Variants in LSAMP observed in about 807,000 individuals in gnomAD.
LSAMP encodes the protein limbic system associated membrane protein.
LSAMP carries 7 observed loss-of-function variants against 38.6 expected under a neutral mutation model. The observed-to-expected ratio is 0.18, with a 90% CI of 0.10 to 0.34. The LOEUF (loss-of-function observed/expected upper bound fraction) is 0.34, where lower values mean the gene tolerates loss of function less well. Ranked by LOEUF, LSAMP falls within the 10% of genes least tolerant of loss-of-function variation. The probability of loss-of-function intolerance (pLI) is 1.00; values close to 1 mark genes in which losing one functional copy is unlikely to be tolerated. For synonymous variants in LSAMP, 154 were observed against 166.8 expected (o/e 0.92, Z 0.59); for missense variants, 313 against 420.0 (o/e 0.75, Z 2.23).
At chr3:116,216,172 T>C (rs2046216485) in intron 1 of LSAMP, among the ~76,000 whole-genome samples, 1 of 152,188 alleles carries the variant, frequency 6.6e-6, no homozygotes, top group African/African-American at 2.4e-5. Context: ...TTATGTGATA[T>C]CCCTTTAATT....
intron 1 of LSAMP, among the ~76,000 whole-genome samples, chr3:116,102,767 T>TTATCTATCTATCTATCTATCTATC (rs35080251): frequency 0.025 from 3,830 of 151,082 alleles, 153 homozygotes; most frequent in African/African-American, 0.086. Context: ...TTTTAAAATT[T>TTATCTATCTATCTATCTATCTATC]TATCTATCTA....
At chr3:116,027,520 G>T (rs961191363) in intron 2 of LSAMP, among the ~76,000 whole-genome samples, 1 of 152,098 alleles carries the variant, frequency 6.6e-6, no homozygotes, top group Non-Finnish European at 1.5e-5. Flanking sequence ...TTAAATCAAA[G>T]AATCCTAATT....
chr3:115,999,859 C>T (rs1227945162), intron 3 of LSAMP, among the ~76,000 whole-genome samples: 1 of 152,086 alleles, frequency 6.6e-6, no homozygotes, highest in Non-Finnish European at 1.5e-5. Flanking sequence ...GGAGACTGGC[C>T]CCTGCAAGCA....
intron 1 of LSAMP, among the ~76,000 whole-genome samples, chr3:116,311,856 C>T (rs1045736580): frequency 2.6e-5 from 4 of 152,106 alleles, no homozygotes; most frequent in African/African-American, 9.7e-5. Flanking sequence ...AGTACTTGCT[C>T]AATAAATACC....
At chr3:115,810,680 C>G (rs1241327688) in intron 6 of LSAMP, among the ~76,000 whole-genome samples, 1 of 152,206 alleles carries the variant, frequency 6.6e-6, no homozygotes, top group African/African-American at 2.4e-5. Context: ...AACTGGCTAT[C>G]ACTAATGTGT....
intron 3 of LSAMP, among the ~76,000 whole-genome samples, chr3:115,971,471 TAA>T (rs1005770986): frequency 2.6e-5 from 4 of 152,306 alleles, no homozygotes; most frequent in Admixed American, 1.3e-4. Flanking sequence ...TGATTTTATA[TAA>T]AAAGAGTCCT....
chr3:115,926,366 A>G (rs1470224564), intron 3 of LSAMP, among the ~76,000 whole-genome samples: 1 of 152,256 alleles, frequency 6.6e-6, no homozygotes, highest in Non-Finnish European at 1.5e-5. Context: ...CTTAGAGAAC[A>G]TAAGAACAGA....
At chr3:115,908,823 G>T (rs948779478) in intron 3 of LSAMP, among the ~76,000 whole-genome samples, 2 of 152,062 alleles carry the variant, frequency 1.3e-5, no homozygotes, top group Admixed American at 6.6e-5. Flanking sequence ...TCTCTTATTT[G>T]CAGCTTGCCT....
At chr3:116,033,609 A>T (rs556800185) in intron 2 of LSAMP, among the ~76,000 whole-genome samples, 97 of 152,282 alleles carry the variant, frequency 6.4e-4, no homozygotes, top group African/African-American at 2.1e-3. Context: ...TCTCCGTAAC[A>T]TGCTGCGGGG....
At chr3:116,064,845 G>T (rs548824850) in intron 2 of LSAMP, among the ~76,000 whole-genome samples, 1 of 152,290 alleles carries the variant, frequency 6.6e-6, no homozygotes, top group South Asian at 2.1e-4. Context: ...AAATGAGTCA[G>T]ACTGGAATGT....
Position 116,182,510 on chromosome 3 carries a change from A to G in LSAMP, c.156-95954T>C, listed in dbSNP as rs17643182. ...TTAGAGCATCATGAGTGCTATGACA[A>G]GATGCTATGGAGATGCCCAAAGATG... On this transcript the variant is annotated intron_variant, in intron 1 of 6. Transcript: ENST00000490035. Among the ~76,000 whole-genome samples, 1,339 of 151,898 alleles carry G rather than the reference A, an allele frequency of 8.8e-3. 24 individuals carry two copies. The highest frequency in any genetic ancestry group is 0.054 in the Middle Eastern group (16 of 294).
chr3:115,853,599 G>A (rs548738298), intron 3 of LSAMP, among the ~76,000 whole-genome samples: 1 of 152,170 alleles, frequency 6.6e-6, no homozygotes, highest in Non-Finnish European at 1.5e-5. Context: ...GAAGTAGAGA[G>A]GGAGAAAAAT....
Position 116,155,101 on chromosome 3 carries a change from C to A in LSAMP, c.156-68545G>T, listed in dbSNP as rs565018012. ...TCTCACCTTGTAGACCCACATAACA[C>A]CAGACACTTCTGGGAAGCATTATGC... On this transcript the variant is annotated intron_variant, in intron 1 of 6. Coordinates refer to ENST00000490035, the MANE Select transcript of LSAMP (RefSeq NM_002338.5). Among the ~76,000 whole-genome samples, 5 of 152,024 alleles carry A rather than the reference C, an allele frequency of 3.3e-5. No homozygotes were observed. The South Asian group carries it at 8.3e-4, about 25-fold the overall frequency.
At chr3:116,178,154 C>A (rs1245917095) in intron 1 of LSAMP, among the ~76,000 whole-genome samples, 1 of 151,702 alleles carries the variant, frequency 6.6e-6, no homozygotes, top group African/African-American at 2.4e-5. Flanking sequence ...CATATGCATG[C>A]AAAAGGGAAG....
At chr3:116,159,041 A>G (rs1321019120) in intron 1 of LSAMP, among the ~76,000 whole-genome samples, 1 of 152,166 alleles carries the variant, frequency 6.6e-6, no homozygotes, top group Non-Finnish European at 1.5e-5. Flanking sequence ...TGGGGCTGGT[A>G]TGCAATAAAT....
rs868535798 is a variant in LSAMP at position 115,997,755 on chromosome 3, C to T, written c.514+21760G>A. On this transcript the variant is annotated intron_variant, in intron 3 of 6. Coordinates refer to ENST00000490035, the MANE Select transcript of LSAMP (RefSeq NM_002338.5). ...ATATATATATATATATATATATATA[C>T]ACACACATACATACACACACATATA... 4.2e-3 allele frequency among the ~76,000 whole-genome samples: 449 copies of T among 105,972 alleles called. 1 individual carries two copies. The highest frequency in any genetic ancestry group is 0.022 in the Admixed American group (212 of 9,802). 69.5% of individuals were successfully genotyped at this position (105,972 alleles called of 152,430 possible).
chr3:115,913,830 T>C (rs1213270098), intron 3 of LSAMP, among the ~76,000 whole-genome samples: 1 of 152,102 alleles, frequency 6.6e-6, no homozygotes, highest in East Asian at 1.9e-4. Context: ...GTGCCTACCA[T>C]GATGCCTGGC....
chr3:116,281,890 G>A (rs865806128), intron 1 of LSAMP, among the ~76,000 whole-genome samples: 3 of 152,106 alleles, frequency 2.0e-5, no homozygotes, highest in South Asian at 2.1e-4. Flanking sequence ...ATCTTGAGAG[G>A]TACCAATCTG....
At chr3:116,281,011 AG>A (rs1406750354) in intron 1 of LSAMP, among the ~76,000 whole-genome samples, 7 of 152,236 alleles carry the variant, frequency 4.6e-5, no homozygotes, top group African/African-American at 1.7e-4. Context: ...GGGAAGAGAC[AG>A]GAAGGAAAGA....
Sources: gnomAD v4.1 joint callset for allele counts (sites outside exome capture counted in the v4.1 genomes callset) on GRCh38, gnomAD v4.1.1 for gene constraint, MANE v1.5 for transcripts, NCBI Gene and HGNC (gene_info 2026-07-23, HGNC 2026-07-21) for gene names.